The following MGAT4D variants were observed in gnomAD, a reference collection of about 807,000 sequenced individuals.
MGAT4D encodes the protein MGAT4 family member D.
MGAT4D carries 34 observed loss-of-function variants against 15.9 expected under a neutral mutation model. The ratio of observed to expected loss-of-function variants is 2.14; its 90% CI spans 1.62 to 2.84. MGAT4D has a LOEUF of 2.84. Ranked by LOEUF, MGAT4D falls within the 30% of genes most tolerant of loss-of-function variation. The probability of loss-of-function intolerance (pLI) is 0.00; values close to 1 mark genes in which losing one functional copy is unlikely to be tolerated. For missense variants in MGAT4D, 327 were observed against 140.2 expected (o/e 2.33, Z -6.73); for synonymous variants, 112 against 48.2 (o/e 2.33, Z -5.49).
intron 10 of MGAT4D, among the ~76,000 whole-genome samples, chr4:140,444,694 T>C (rs1178297459): frequency 6.6e-6 from 1 of 152,218 alleles, no homozygotes; most frequent in Admixed American, 6.5e-5. Flanking sequence ...TGTGTCTTTA[T>C]GGTAGAACGA....
chr4:140,465,636 C>A (rs139900183), intron 5 of MGAT4D, among the ~76,000 whole-genome samples: 165 of 152,238 alleles, frequency 1.1e-3, no homozygotes, highest in African/African-American at 3.9e-3. Flanking sequence ...TTTAAATGGT[C>A]TTCCTTTAGA....
chr4:140,455,470 T>G (rs1423811073), intron 9 of MGAT4D, among the ~76,000 whole-genome samples: 2 of 152,226 alleles, frequency 1.3e-5, no homozygotes, highest in Non-Finnish European at 2.9e-5. Flanking sequence ...AAGCTTTGTT[T>G]TATGATCCAA....
intron 1 of MGAT4D, among the ~76,000 whole-genome samples, chr4:140,493,781 T>A (rs1263318478): frequency 6.6e-6 from 1 of 152,196 alleles, no homozygotes; most frequent in Non-Finnish European, 1.5e-5. Flanking sequence ...CAGATTTCCT[T>A]GCAAGTGGTA....
At chr4:140,493,717 T>C (rs1417488227) in intron 1 of MGAT4D, among the ~76,000 whole-genome samples, 1 of 152,208 alleles carries the variant, frequency 6.6e-6, no homozygotes, top group South Asian at 2.1e-4. Flanking sequence ...TCTGTCTTTA[T>C]AGGCCCCTCT....
intron 2 of MGAT4D, 104 bp from the exon 3 acceptor site, chr4:140,479,731 G>T (rs940223457): frequency 8.9e-6 from 3 of 335,844 alleles, no homozygotes; most frequent in Admixed American, 4.8e-5. Context: ...GATTAATTTG[G>T]CATTTAATAT....
chr4:140,447,661 C>T (rs978892201), intron 10 of MGAT4D, among the ~76,000 whole-genome samples: 24 of 151,818 alleles, frequency 1.6e-4, no homozygotes, highest in Middle Eastern at 3.2e-3. Context: ...TTTTATCCAG[C>T]TTGCCACTCT....
chr4:140,495,932 A>G (rs1733807826), intron 1 of MGAT4D, among the ~76,000 whole-genome samples: 1 of 152,216 alleles, frequency 6.6e-6, no homozygotes, highest in African/African-American at 2.4e-5. Context: ...ACTAGGTTTC[A>G]CCATGTTGGC....
intron 3 of MGAT4D, among the ~76,000 whole-genome samples, chr4:140,478,640 A>G (rs1732496096): frequency 6.6e-6 from 1 of 152,236 alleles, no homozygotes; most frequent in Non-Finnish European, 1.5e-5. Flanking sequence ...AGATAATGTA[A>G]GAAAACATAG....
chr4:140,467,747 T>A (rs1250146875), intron 5 of MGAT4D, among the ~76,000 whole-genome samples: 1 of 152,098 alleles, frequency 6.6e-6, no homozygotes, highest in East Asian at 1.9e-4. Flanking sequence ...GTTGTTGCCA[T>A]TAAAAATGAA....
intron 2 of MGAT4D, 111 bp from the exon 3 acceptor site, chr4:140,479,738 A>C (rs1732572226): frequency 3.0e-6 from 1 of 330,982 alleles, no homozygotes; most frequent in African/African-American, 2.1e-5. Context: ...TTGGCATTTA[A>C]TATATAAAAG....
chr4:140,482,292 AAAAAC>A (rs750727880), intron 2 of MGAT4D, 30 bp downstream of exon 2: 6 of 590,834 alleles, frequency 1.0e-5, no homozygotes, highest in South Asian at 4.3e-5. Flanking sequence ...CTACATTTCC[AAAAAC>A]AAAACAAAAC....
At chr4:140,478,593 A>G (rs1732492305) in intron 3 of MGAT4D, among the ~76,000 whole-genome samples, 1 of 152,198 alleles carries the variant, frequency 6.6e-6, no homozygotes, top group Admixed American at 6.5e-5. Context: ...AGATGACAGT[A>G]ATAGGCCCTA....
intron 1 of MGAT4D, among the ~76,000 whole-genome samples, chr4:140,487,588 C>T (rs911757007): frequency 2.0e-5 from 3 of 152,102 alleles, no homozygotes; most frequent in African/African-American, 7.2e-5. Context: ...TAAAAGTAAA[C>T]AATGGGCTAT....
intron 1 of MGAT4D, among the ~76,000 whole-genome samples, chr4:140,484,334 G>A (rs550897197): frequency 6.6e-6 from 1 of 152,158 alleles, no homozygotes; most frequent in East Asian, 1.9e-4. Context: ...TTAAAACAAG[G>A]TACCATCTCA....
chr4:140,455,804 T>A (rs1052300599), intron 9 of MGAT4D, among the ~76,000 whole-genome samples: 2 of 152,224 alleles, frequency 1.3e-5, no homozygotes, highest in Admixed American at 6.5e-5. Flanking sequence ...ATCCCTAGAC[T>A]GTTTTTTTCT....
intron 6 of MGAT4D, chr4:140,462,653 A>G (rs1432172254): frequency 6.6e-6 from 1 of 152,178 alleles, no homozygotes; most frequent in Admixed American, 6.5e-5. Flanking sequence ...GTGAGCACAC[A>G]TTGCCCCAAC....
chr4:140,456,678 A>T lies in MGAT4D; in HGVS notation c.919T>A (p.Phe307Ile), dbSNP rs1730825820. ...TTCTCTTTGTAGAACATTAAAAAAA[A>T]CCGTACAAAGTGAGTTAAGTCCTCA... ...RSEDLTHFVR[F>I]FLMFYKEKPI... is the part of the protein sequence containing the mutation. The change falls in exon 9 of 11, where the codon TTT becomes ATT. Residue 307 changes from phenylalanine to isoleucine, a missense_variant. Transcript: ENST00000511113. 3 of 697,682 alleles carry T rather than the reference A, an allele frequency of 4.3e-6. No homozygotes were observed. In the South Asian group the frequency reaches 4.5e-5, roughly 11 times the overall value. The allele number at this position is 697,682 out of a possible 1,614,324, so 43.2% of individuals were successfully genotyped here.
chr4:140,446,454 A>C (rs1279831454), intron 10 of MGAT4D, among the ~76,000 whole-genome samples: 1 of 152,154 alleles, frequency 6.6e-6, no homozygotes, highest in Non-Finnish European at 1.5e-5. Context: ...GTTTGTGTGC[A>C]TAGAGGTGTT....
Position 140,456,709 on chromosome 4 carries a change from A to G in MGAT4D, c.888T>C (p.Phe296=). Reference sequence around the variant, plus strand: ...CAAAGTGAGTTAAGTCCTCAGATCTAAACAGCTTTCCTATGGAAAAAAATA... The same window carrying G: ...CAAAGTGAGTTAAGTCCTCAGATCTGAACAGCTTTCCTATGGAAAAAAATA... ...FSMLGFIGKL[F]RSEDLTHFVR... The change falls in exon 9 of 11, where the codon TTT becomes TTC. Residue 296 remains phenylalanine (F), a synonymous_variant. Transcript: ENST00000511113. 1.5e-6 allele frequency: 1 copy of G among 676,760 alleles called. No individual in the cohort carries two copies. Among genetic ancestry groups the G allele is most frequent in the Non-Finnish European group, 2.7e-6 (1 of 373,992 alleles). The allele number at this position is 676,760 out of a possible 1,614,324, so 41.9% of individuals were successfully genotyped here.
Sources: allele counts gnomAD v4.1 joint callset (sites outside exome capture counted in the v4.1 genomes callset), GRCh38; gene constraint gnomAD v4.1.1; transcripts MANE v1.5; gene names NCBI Gene and HGNC (gene_info 2026-07-23, HGNC 2026-07-21).